The following ANO2 variants were observed in gnomAD, a reference collection of about 807,000 sequenced individuals.
ANO2 encodes the protein anoctamin 2.
In ANO2, 101 loss-of-function variants were observed where a neutral mutation model predicts 124.2. The observed-to-expected ratio is 0.81, with a 90% CI of 0.69 to 0.96. ANO2 has a LOEUF of 0.96. ANO2 is among the 40% of genes least tolerant of loss of function. ANO2 has a pLI of 0.00. For synonymous variants in ANO2, 486 were observed against 482.5 expected, an observed-to-expected ratio of 1.01 and a Z score of -0.09; for missense variants, 1,293 against 1,274.5, an observed-to-expected ratio of 1.01 and a Z score of -0.22.
intron 14 of ANO2, among the ~76,000 whole-genome samples, chr12:5,664,208 T>G (rs1947588048): frequency 6.6e-6 from 1 of 152,196 alleles, no homozygotes; most frequent in Non-Finnish European, 1.5e-5. Context: ...GCTAAGGTAG[T>G]GGGCCAAGAT....
At chr12:5,765,768 G>A (rs765104460) in intron 10 of ANO2, among the ~76,000 whole-genome samples, 15 of 152,162 alleles carry the variant, frequency 9.9e-5, no homozygotes, top group Non-Finnish European at 1.9e-4. Flanking sequence ...TGTTGTGAGT[G>A]ACAAAAACAG....
chr12:5,785,680 T>C (rs368928845), intron 10 of ANO2, among the ~76,000 whole-genome samples: 513 of 118,508 alleles, frequency 4.3e-3, no homozygotes, highest in African/African-American at 6.1e-3. Context: ...CACACACACA[T>C]ACACACACAT....
intron 23 of ANO2, among the ~76,000 whole-genome samples, chr12:5,572,158 C>T (rs777297456): frequency 6.6e-6 from 1 of 152,174 alleles, no homozygotes; most frequent in Non-Finnish European, 1.5e-5. Flanking sequence ...AGACTCCACG[C>T]ACCTCAACAG....
chr12:5,590,958 G>A (rs1271686517), intron 20 of ANO2, among the ~76,000 whole-genome samples: 10 of 152,230 alleles, frequency 6.6e-5, no homozygotes, highest in Admixed American at 5.2e-4. Flanking sequence ...AGGCCAAGTC[G>A]GGCAGATCAC....
intron 12 of ANO2, among the ~76,000 whole-genome samples, chr12:5,743,369 G>T (rs1347265517): frequency 6.6e-6 from 1 of 152,122 alleles, no homozygotes; most frequent in African/African-American, 2.4e-5. Context: ...GGCTGACACA[G>T]GTTGACTTGG....
intron 14 of ANO2, among the ~76,000 whole-genome samples, chr12:5,686,257 C>G (rs1305567665): frequency 6.6e-6 from 1 of 152,188 alleles, no homozygotes; most frequent in Admixed American, 6.5e-5. Flanking sequence ...CCTGCAGGAC[C>G]ACTACCCACA....
intron 14 of ANO2, among the ~76,000 whole-genome samples, chr12:5,696,517 A>AT (rs1446927221): frequency 6.6e-6 from 1 of 152,032 alleles, no homozygotes; most frequent in East Asian, 1.9e-4. Context: ...GTTGGCACAC[A>AT]TTTTTTTTAA....
intron 14 of ANO2, among the ~76,000 whole-genome samples, chr12:5,704,365 C>A (rs998892877): frequency 6.6e-6 from 1 of 152,148 alleles, no homozygotes; most frequent in Admixed American, 6.5e-5. Flanking sequence ...ACCCACCATG[C>A]GCCCTGGTGA....
chr12:5,826,984 G>A (rs576509027), intron 7 of ANO2, among the ~76,000 whole-genome samples: 1 of 152,176 alleles, frequency 6.6e-6, no homozygotes, highest in Non-Finnish European at 1.5e-5. Context: ...GCCACTTGGA[G>A]ATGGCAGCAC....
chr12:5,729,656 C>A (rs573701566), intron 14 of ANO2, among the ~76,000 whole-genome samples: 5 of 150,424 alleles, frequency 3.3e-5, no homozygotes, highest in Admixed American at 6.7e-5. Context: ...TCTACTCCTA[C>A]GTATATACCC....
chr12:5,726,815 A>G (rs746913778), intron 14 of ANO2, among the ~76,000 whole-genome samples: 1 of 152,168 alleles, frequency 6.6e-6, no homozygotes, highest in Non-Finnish European at 1.5e-5. Context: ...CCCCAAACCA[A>G]TGGGTTGATG....
chr12:5,680,092 C>T (rs1020114325), intron 14 of ANO2, among the ~76,000 whole-genome samples: 1 of 152,108 alleles, frequency 6.6e-6, no homozygotes, highest in Admixed American at 6.5e-5. Context: ...ATGATGAGAA[C>T]ACATGGACAC....
chr12:5,687,228 C>T (rs142680691), intron 14 of ANO2, among the ~76,000 whole-genome samples: 1 of 152,334 alleles, frequency 6.6e-6, no homozygotes, highest in African/African-American at 2.4e-5. Context: ...ATTTCCTGTT[C>T]TACTCTCTTG....
At position 5,750,978 on chromosome 12, in the gene ANO2, AG is replaced by A. The variant is rs1363890182; in HGVS notation, c.1056-9del. 1 of 1,583,968 alleles carries A rather than the reference AG, an allele frequency of 6.3e-7. No individual in the cohort carries two copies. Among genetic ancestry groups the A allele is most frequent in the Non-Finnish European group, 8.6e-7 (1 of 1,164,460 alleles). On this transcript the variant is annotated splice_polypyrimidine_tract_variant and intron_variant, in intron 10 of 24. Transcript: ENST00000682330. ...TTTTCTCCAAAATACTTTCTGGAAA[AG>A]AAAGAAAAGAAAATGAAACACATAT...
chr12:5,726,494 A>G (rs917856), intron 14 of ANO2, among the ~76,000 whole-genome samples: 19,594 of 152,190 alleles, frequency 0.13, 1,577 homozygotes, highest in African/African-American at 0.23. Flanking sequence ...CAGGAGCAAG[A>G]GGTTAAAAGC....
intron 10 of ANO2, among the ~76,000 whole-genome samples, chr12:5,772,811 A>C (rs1952121388): frequency 6.6e-6 from 1 of 152,214 alleles, no homozygotes; most frequent in Non-Finnish European, 1.5e-5. Context: ...ATTTTTGCTG[A>C]AAATCATTTC....
intron 15 of ANO2, among the ~76,000 whole-genome samples, chr12:5,646,712 A>G (rs1288287175): frequency 6.6e-6 from 1 of 152,226 alleles, no homozygotes; most frequent in Non-Finnish European, 1.5e-5. Context: ...TGCACTTGTT[A>G]AGCAATGAGA....
At chr12:5,866,416 C>T (rs1955429592) in intron 3 of ANO2, among the ~76,000 whole-genome samples, 1 of 152,192 alleles carries the variant, frequency 6.6e-6, no homozygotes. Flanking sequence ...TTCCTGATCA[C>T]ACGAGCTTAT....
At chr12:5,894,558 C>A (rs1939640358) in intron 3 of ANO2, among the ~76,000 whole-genome samples, 1 of 152,172 alleles carries the variant, frequency 6.6e-6, no homozygotes, top group Non-Finnish European at 1.5e-5. Context: ...GTCATGAAGT[C>A]TTTGCCCATG....
Sources: allele counts gnomAD v4.1 joint callset (sites outside exome capture counted in the v4.1 genomes callset), GRCh38; gene constraint gnomAD v4.1.1; transcripts MANE v1.5; gene names NCBI Gene and HGNC (gene_info 2026-07-23, HGNC 2026-07-21).